Variants in CCDC28A observed in about 807,000 individuals in gnomAD.
CCDC28A encodes coiled-coil domain-containing protein 28A.
A neutral mutation model predicts 22.1 loss-of-function variants in CCDC28A; 24 were observed. That is an observed-to-expected ratio of 1.09 (90% CI 0.79 to 1.53). The LOEUF is 1.53. Among genes scored for constraint, CCDC28A ranks in the 40% most tolerant of loss-of-function variants. The pLI is 0.00. For synonymous variants in CCDC28A, 83 were observed against 74.7 expected (o/e 1.11, Z -0.57); for missense variants, 170 against 210.7 (o/e 0.81, Z 1.20).
intron 5 of CCDC28A, 113 bp downstream of exon 5, chr6:138,788,501 C>A: frequency 2.0e-6 from 1 of 493,948 alleles, no homozygotes; most frequent in Middle Eastern, 5.9e-4. Context: ...AAAAAAGACA[C>A]GTAGTATTAT....
intron 4 of CCDC28A, among the ~76,000 whole-genome samples, chr6:138,787,704 T>C (rs1775113455): frequency 3.3e-5 from 5 of 152,024 alleles, no homozygotes; most frequent in Non-Finnish European, 7.4e-5. Context: ...ATTCTTTTGA[T>C]TTTTTTGTAG....
At chr6:138,787,037 C>T (rs1206972756) in intron 4 of CCDC28A, among the ~76,000 whole-genome samples, 2 of 152,188 alleles carry the variant, frequency 1.3e-5, no homozygotes, top group Admixed American at 6.5e-5. Flanking sequence ...AGAAAGGCTT[C>T]GTTTAGTTCA....
intron 4 of CCDC28A, among the ~76,000 whole-genome samples, chr6:138,785,915 G>A (rs1285166424): frequency 1.3e-5 from 2 of 152,136 alleles, no homozygotes; most frequent in Non-Finnish European, 2.9e-5. Flanking sequence ...TATTTACTCA[G>A]GTGGCGGTTA....
intron 2 of CCDC28A, among the ~76,000 whole-genome samples, chr6:138,778,028 G>T (rs1302249573): frequency 6.6e-6 from 1 of 152,094 alleles, no homozygotes; most frequent in Non-Finnish European, 1.5e-5. Flanking sequence ...GAGTAACAAG[G>T]TATTACATAA....
At chr6:138,780,552 A>T (rs2114903384) in intron 3 of CCDC28A, among the ~76,000 whole-genome samples, 1 of 151,210 alleles carries the variant, frequency 6.6e-6, no homozygotes, top group African/African-American at 2.4e-5. Flanking sequence ...AGCTTTTTCT[A>T]ATGATAAGAT....
Position 138,788,377 on chromosome 6 carries a change from G to T in CCDC28A, c.489G>T (p.Leu163Phe). ...LDRLLSDLEE[L>F]NSSIQKLHLA... ...TCTTTGTTTTACAGTTAGAAGAATT[G>T]AATTCTTCCATGTATCCTTTGTCTG... The change falls in exon 5 of 6, where the codon TTG becomes TTT. Residue 163 changes from leucine to phenylalanine, a missense_variant. Leu to Phe is a conservative substitution (Grantham distance 22, BLOSUM62 0). Transcript: ENST00000617445. 1 of 1,260,964 alleles carries T rather than the reference G, an allele frequency of 7.9e-7. No individual in the cohort carries two copies. The highest frequency in any genetic ancestry group is 1.1e-6 in the Non-Finnish European group (1 of 916,800). The allele number at this position is 1,260,964 out of a possible 1,614,324, so 78.1% of individuals were successfully genotyped here.
At chr6:138,787,588 A>AT (rs199977356) in intron 4 of CCDC28A, among the ~76,000 whole-genome samples, 3,712 of 151,840 alleles carry the variant, frequency 0.024, 70 homozygotes, top group South Asian at 0.041. Context: ...TAAAATGGCA[A>AT]TTTTTTTTCT....
intron 4 of CCDC28A, 125 bp downstream of exon 4, chr6:138,785,506 C>T (rs1461486771): frequency 1.0e-5 from 7 of 674,400 alleles, no homozygotes; most frequent in African/African-American, 3.6e-5. Flanking sequence ...TTGTGCCGAT[C>T]GCTGTTGAAT....
At chr6:138,788,930 G>A (rs1044258200) in intron 5 of CCDC28A, among the ~76,000 whole-genome samples, 1 of 152,134 alleles carries the variant, frequency 6.6e-6, no homozygotes, top group East Asian at 1.9e-4. Context: ...AACTGGCAGT[G>A]AGATATTCAG....
At chr6:138,777,584 ACT>A (rs1562438330) in intron 2 of CCDC28A, among the ~76,000 whole-genome samples, 2 of 151,914 alleles carry the variant, frequency 1.3e-5, no homozygotes, top group African/African-American at 4.8e-5. Context: ...GAGGGCCAGG[ACT>A]CTCTGGATCA....
At chr6:138,779,687 A>T in intron 2 of CCDC28A, 135 bp from the exon 3 acceptor site, 1 of 502,074 alleles carries the variant, frequency 2.0e-6, no homozygotes. Flanking sequence ...TCTGGCTTGG[A>T]GTTTCTGGTT....
intron 4 of CCDC28A, among the ~76,000 whole-genome samples, chr6:138,787,693 T>A (rs1444739799): frequency 6.6e-6 from 1 of 152,082 alleles, no homozygotes; most frequent in African/African-American, 2.4e-5. Flanking sequence ...TCTGTCCTCA[T>A]ATTCTTTTGA....
At chr6:138,774,733 C>T (rs1301493958) in intron 1 of CCDC28A, among the ~76,000 whole-genome samples, 1 of 152,178 alleles carries the variant, frequency 6.6e-6, no homozygotes. Context: ...TTATTTTAAG[C>T]GACAGCAATG....
Position 138,779,795 on chromosome 6 carries a change from A to G in CCDC28A, c.159-27A>G, listed in dbSNP as rs748958550. 22 of 1,578,118 alleles carry G rather than the reference A, an allele frequency of 1.4e-5. No homozygotes were observed. The Middle Eastern group carries it at 1.2e-3, about 85-fold the overall frequency. On this transcript the variant is annotated intron_variant, in intron 2 of 5. Transcript: ENST00000617445. ...AAAAGCTTAATCTAGAATAGCCTAA[A>G]AAGCCTAAATTTCATCGTCTTTACA...
At chr6:138,785,151 G>C in intron 3 of CCDC28A, 76 bp from the exon 4 acceptor site, 2 of 869,716 alleles carry the variant, frequency 2.3e-6, no homozygotes, top group Non-Finnish European at 1.7e-6. Context: ...AGAGCACCTA[G>C]AGTTTAAGTG....
chr6:138,789,418 C>T (rs1775137543), intron 5 of CCDC28A, among the ~76,000 whole-genome samples: 2 of 152,136 alleles, frequency 1.3e-5, no homozygotes, highest in Admixed American at 1.3e-4. Flanking sequence ...GTAATTGCTA[C>T]ATGTGATGAT....
intron 1 of CCDC28A, among the ~76,000 whole-genome samples, chr6:138,775,129 C>T (rs1441546971): frequency 1.3e-5 from 2 of 152,138 alleles, no homozygotes; most frequent in Admixed American, 6.5e-5. Flanking sequence ...TTAGTAGAGA[C>T]GGGGTTTCAC....
intron 5 of CCDC28A, among the ~76,000 whole-genome samples, chr6:138,789,551 A>G (rs777210253): frequency 6.6e-6 from 1 of 152,222 alleles, no homozygotes; most frequent in East Asian, 1.9e-4. Context: ...GGGGCCTGGC[A>G]CGGTGGCTCA....
chr6:138,777,213 G>A (rs955283826), intron 2 of CCDC28A, among the ~76,000 whole-genome samples: 1 of 152,172 alleles, frequency 6.6e-6, no homozygotes, highest in African/African-American at 2.4e-5. Context: ...TTCTGTAGCC[G>A]CTGGGTTTAC....
Sources: gnomAD v4.1 joint callset for allele counts (sites outside exome capture counted in the v4.1 genomes callset) on GRCh38, gnomAD v4.1.1 for gene constraint, MANE v1.5 for transcripts, NCBI Gene and HGNC (gene_info 2026-07-23, HGNC 2026-07-21) for gene names.